ZNG1E: variants seen among roughly 807,000 people sequenced by gnomAD.
The protein encoded by ZNG1E is Zn regulated GTPase metalloprotein activator 1E, also known as zinc-regulated GTPase metalloprotein activator 1E.
At chr9:65,679,690 G>A in the ZNG1E span, 970 of 241,440 alleles carry the variant, frequency 4.0e-3, no homozygotes, top group Non-Finnish European at 6.5e-3. Flanking sequence ...GAGTAGCTGG[G>A]ACTACAGGCA....
chr9:65,662,997 G>A, the ZNG1E span, among the ~76,000 whole-genome samples: 3 of 152,352 alleles, frequency 2.0e-5, no homozygotes, highest in Middle Eastern at 3.4e-3. Context: ...GCTCATTTAA[G>A]ATAGTGAAAT....
chr9:65,728,416 A>G, the ZNG1E span, among the ~76,000 whole-genome samples: 1 of 149,042 alleles, frequency 6.7e-6, no homozygotes, highest in East Asian at 2.0e-4. Flanking sequence ...AAAAAAATCC[A>G]AAAGATAAAT....
the ZNG1E span, among the ~76,000 whole-genome samples, chr9:65,683,989 C>G: frequency 6.6e-6 from 1 of 152,290 alleles, no homozygotes; most frequent in Non-Finnish European, 1.5e-5. Context: ...ATTTTATAGA[C>G]AAAAACTTGA....
chr9:65,709,349 T>G, the ZNG1E span, among the ~76,000 whole-genome samples: 2 of 151,334 alleles, frequency 1.3e-5, no homozygotes, highest in Non-Finnish European at 2.9e-5. Context: ...TTTTTTAAAT[T>G]TATTTATTTA....
chr9:65,714,311 G>T, the ZNG1E span, among the ~76,000 whole-genome samples: 1 of 151,212 alleles, frequency 6.6e-6, no homozygotes, highest in Admixed American at 6.6e-5. Flanking sequence ...ATGTCCTCCC[G>T]TAGCTTGGAG....
At chr9:65,662,648 C>T in the ZNG1E span, among the ~76,000 whole-genome samples, 46 of 151,236 alleles carry the variant, frequency 3.0e-4, no homozygotes, top group Admixed American at 1.2e-3. Context: ...GAAGTGGTGA[C>T]GAAAATTCTA....
chr9:65,694,295 GT>G, the ZNG1E span, among the ~76,000 whole-genome samples: 23,332 of 133,240 alleles, frequency 0.18, 288 homozygotes, highest in South Asian at 0.2. Flanking sequence ...AAGACATTTT[GT>G]TTTTTTTTTA....
At chr9:65,665,053 A>G in the ZNG1E span, among the ~76,000 whole-genome samples, 1 of 152,270 alleles carries the variant, frequency 6.6e-6, no homozygotes, top group South Asian at 2.1e-4. Context: ...GCAGAGCACA[A>G]AAGTTTGGAA....
chr9:65,691,601 G>T, the ZNG1E span, among the ~76,000 whole-genome samples: 180 of 152,246 alleles, frequency 1.2e-3, no homozygotes, highest in Non-Finnish European at 1.8e-3. Flanking sequence ...ACAATGCTTT[G>T]TAGGTTTTCT....
At chr9:65,663,992 A>G in the ZNG1E span, among the ~76,000 whole-genome samples, 1 of 152,232 alleles carries the variant, frequency 6.6e-6, no homozygotes, top group Non-Finnish European at 1.5e-5. Flanking sequence ...ATATATATAT[A>G]TGAGCACATA....
At chr9:65,683,256 A>T in the ZNG1E span, 1 of 165,618 alleles carries the variant, frequency 6.0e-6, no homozygotes, top group Non-Finnish European at 1.3e-5. Flanking sequence ...TCCCTTACAT[A>T]AAATGGTGTA....
the ZNG1E span, among the ~76,000 whole-genome samples, chr9:65,663,756 G>A: frequency 1.3e-5 from 2 of 151,388 alleles, no homozygotes; most frequent in Admixed American, 6.6e-5. Flanking sequence ...CCATACAAAG[G>A]TTGCTAACAT....
the ZNG1E span, among the ~76,000 whole-genome samples, chr9:65,722,112 TA>T: frequency 8.5e-6 from 1 of 117,628 alleles, no homozygotes; most frequent in Non-Finnish European, 1.7e-5. Context: ...GATAAAACAG[TA>T]TGATCTAATA....
chr9:65,681,941 G>T, the ZNG1E span: 1 of 514,342 alleles, frequency 1.9e-6, no homozygotes, highest in Non-Finnish European at 3.5e-6. Flanking sequence ...AGTCTCATAT[G>T]TAAAAAATGA....
At chr9:65,727,667 A>G in the ZNG1E span, among the ~76,000 whole-genome samples, 2 of 121,930 alleles carry the variant, frequency 1.6e-5, no homozygotes, top group East Asian at 4.1e-4. Flanking sequence ...GGGACATTAT[A>G]TAATGAAAAA....
the ZNG1E span, among the ~76,000 whole-genome samples, chr9:65,657,561 C>A: frequency 6.6e-6 from 1 of 152,200 alleles, no homozygotes; most frequent in African/African-American, 2.4e-5. Flanking sequence ...TGATGGTTAC[C>A]AGAGGCTGGA....
chr9:65,666,180 T>G, the ZNG1E span, among the ~76,000 whole-genome samples: 20 of 150,340 alleles, frequency 1.3e-4, no homozygotes, highest in African/African-American at 4.9e-4. Flanking sequence ...AATGGTATGG[T>G]TTGGCTGTGT....
the ZNG1E span, among the ~76,000 whole-genome samples, chr9:65,691,762 T>C: frequency 6.6e-6 from 1 of 151,794 alleles, no homozygotes; most frequent in African/African-American, 2.4e-5. Flanking sequence ...ACCTGAACAC[T>C]TTTGGGCAAT....
the ZNG1E span, among the ~76,000 whole-genome samples, chr9:65,658,054 G>A: frequency 1.9e-4 from 29 of 149,050 alleles, no homozygotes; most frequent in Admixed American, 1.4e-4. Context: ...AGCCGAGACC[G>A]CACCATTGCA....
Sources: gnomAD v4.1 joint callset for allele counts (sites outside exome capture counted in the v4.1 genomes callset) on GRCh38, gnomAD v4.1.1 for gene constraint, MANE v1.5 for transcripts, NCBI Gene and HGNC (gene_info 2026-07-23, HGNC 2026-07-21) for gene names.